Variants in EMILIN2 observed in about 807,000 individuals in gnomAD.
EMILIN2 encodes EMILIN-2.
EMILIN2 carries 71 observed loss-of-function variants against 87.1 expected under a neutral mutation model. The ratio of observed to expected loss-of-function variants is 0.82; its 90% confidence interval spans 0.67 to 0.99. EMILIN2 has a LOEUF of 0.99. Ranked by LOEUF, EMILIN2 falls within the 50% of genes least tolerant of loss-of-function variation. The pLI is 0.00. For missense variants in EMILIN2, 1,407 were observed against 1,371.8 expected (o/e 1.03, Z -0.40); for synonymous variants, 581 against 563.4 (o/e 1.03, Z -0.44).
chr18:2,875,358 CGGG>C (rs2076742173), intron 2 of EMILIN2, among the ~76,000 whole-genome samples: 1 of 152,100 alleles, frequency 6.6e-6, no homozygotes, highest in Non-Finnish European at 1.5e-5. Flanking sequence ...TGGGAACACT[CGGG>C]GAGCTGATGA....
At chr18:2,874,316 A>G (rs2076736834) in intron 2 of EMILIN2, among the ~76,000 whole-genome samples, 1 of 151,848 alleles carries the variant, frequency 6.6e-6, no homozygotes, top group South Asian at 2.1e-4. Context: ...TAGCCTCCTG[A>G]GTGGCTAGGA....
chr18:2,907,013 C>A lies in EMILIN2; in HGVS notation c.2590C>A (p.Leu864Met). ...PAGAGVSGRGLPRGVDGQTGS... is the reference protein window; with the variant it reads ...PAGAGVSGRGMPRGVDGQTGS... ...AGGCGCAGGCGTGTCTGGGCGGGGT[C>A]TGCCGCGGGGCGTGGACGGCCAGAC... is the stretch of plus-strand genomic sequence containing the variant. Residue 864 changes from leucine to methionine, a missense_variant, in exon 5 of 8, where the codon CTG becomes ATG. Leu to Met is a conservative substitution (Grantham distance 15, BLOSUM62 2). Coordinates refer to ENST00000254528, the MANE Select transcript of EMILIN2 (RefSeq NM_032048.3). The A allele has an allele frequency of 3.0e-6, 4 of 1,338,604 alleles. No individual in the cohort carries two copies. Among genetic ancestry groups the A allele is most frequent in the Non-Finnish European group, 3.8e-6 (4 of 1,047,220 alleles). The allele number at this position is 1,338,604 out of a possible 1,614,324, so 82.9% of individuals were successfully genotyped here. A position where few individuals can be genotyped will look rare whatever the true frequency, so the allele number is the denominator to read the frequency against.
chr18:2,873,046 A>G (rs1598491228), intron 2 of EMILIN2, among the ~76,000 whole-genome samples: 2 of 139,918 alleles, frequency 1.4e-5, no homozygotes, highest in East Asian at 3.9e-4. Context: ...AGATTATGTG[A>G]TTTAAAAAAA....
Position 2,890,302 on chromosome 18 carries a change from G to A in EMILIN2, c.434-259G>A, listed in dbSNP as rs1318136580. Among the ~76,000 whole-genome samples, 1 of 152,172 alleles carries A rather than the reference G, an allele frequency of 6.6e-6. No individual in the cohort carries two copies. Among genetic ancestry groups the A allele is most frequent in the Non-Finnish European group, 1.5e-5 (1 of 68,036 alleles). On this transcript the variant is annotated intron_variant, in intron 3 of 7. Coordinates refer to ENST00000254528, the MANE Select transcript of EMILIN2 (RefSeq NM_032048.3). This position sits in a 1 kb window ranked among gnomAD's most constrained non-coding sequence, Gnocchi z 4.7. ...CTAGAAGCTGTTCTTCTTTATAGAT[G>A]AGAGGATTATAGTTCACAGAAGTTA...
At chr18:2,865,469 G>A (rs2076681796) in intron 2 of EMILIN2, among the ~76,000 whole-genome samples, 1 of 152,184 alleles carries the variant, frequency 6.6e-6, no homozygotes, top group African/African-American at 2.4e-5. Flanking sequence ...GTTTGCTGGA[G>A]GTCCACTCCA....
At chr18:2,872,353 T>C (rs2076723937) in intron 2 of EMILIN2, among the ~76,000 whole-genome samples, 1 of 152,238 alleles carries the variant, frequency 6.6e-6, no homozygotes, top group African/African-American at 2.4e-5. Flanking sequence ...ATTTTTTAAA[T>C]GGAATTGTGA....
chr18:2,847,811 A>ACAC lies in EMILIN2; in HGVS notation c.138_139insACC (p.Asn46_Trp47insThr). On this transcript the variant is annotated inframe_insertion, in exon 2 of 8. Coordinates refer to ENST00000254528, the MANE Select transcript of EMILIN2 (RefSeq NM_032048.3). The surrounding 1 kb of genome is among the most constrained non-coding windows in gnomAD (Gnocchi z 4.5). ...TCCCTCTCTCTCCTGCACCCCAGGA[A>ACAC]CTGGTGCGCCTACATCGTGAACAAG... 1.2e-6 allele frequency: 2 copies of ACAC among 1,613,062 alleles called. No individual in the cohort carries two copies. Among genetic ancestry groups the ACAC allele is most frequent in the Non-Finnish European group, 1.7e-6 (2 of 1,179,742 alleles).
rs1263920993 is a variant in EMILIN2 at position 2,848,322 on chromosome 18, G to C, written c.257+391G>C. Among the ~76,000 whole-genome samples the C allele has an allele frequency of 6.6e-6, 1 of 152,192 alleles. No homozygotes were observed. Among genetic ancestry groups the C allele is most frequent in the East Asian group, 1.9e-4 (1 of 5,198 alleles). On this transcript the variant is annotated intron_variant, in intron 2 of 7. Coordinates refer to ENST00000254528, the MANE Select transcript of EMILIN2 (RefSeq NM_032048.3). The surrounding 1 kb of genome is among the most constrained non-coding windows in gnomAD (Gnocchi z 4.1). ...AGATTCCAAAATGTATACTGCTAAA[G>C]ACTATTCCGTATAGGATTCGCTGAG...
At chr18:2,859,266 G>A (rs536331226) in intron 2 of EMILIN2, among the ~76,000 whole-genome samples, 2 of 152,146 alleles carry the variant, frequency 1.3e-5, no homozygotes, top group East Asian at 1.9e-4. Context: ...CCATTCTTGC[G>A]GGAGTAAGGT....
chr18:2,847,082 C>T lies in EMILIN2; in HGVS notation c.-107C>T, dbSNP rs2076577953. ...TTGGAGCGCCGCGAAGCGCCCGAGC[C>T]TCTTGCCTTCGCGGGCGGCGCCCTG... On this transcript the variant is annotated 5_prime_UTR_variant, in exon 1 of 8. Coordinates refer to ENST00000254528, the MANE Select transcript of EMILIN2 (RefSeq NM_032048.3). The surrounding 1 kb of genome is among the most constrained non-coding windows in gnomAD (Gnocchi z 4.5). 2.8e-6 allele frequency: 3 copies of T among 1,078,942 alleles called. No individual in the cohort carries two copies. Among genetic ancestry groups the T allele is most frequent in the Non-Finnish European group, 3.4e-6 (3 of 882,728 alleles). 66.8% of individuals were successfully genotyped at this position (1,078,942 alleles called of 1,614,324 possible).
intron 6 of EMILIN2, 147 bp downstream of exon 6, chr18:2,909,122 G>C: frequency 9.8e-7 from 1 of 1,022,484 alleles, no homozygotes; most frequent in South Asian, 1.3e-5. Context: ...CACTGGGACA[G>C]CCCTCTGCTG....
intron 4 of EMILIN2, among the ~76,000 whole-genome samples, chr18:2,895,614 T>C (rs1242612301): frequency 6.6e-6 from 1 of 152,216 alleles, no homozygotes; most frequent in Non-Finnish European, 1.5e-5. Context: ...CTCAGTCATA[T>C]GTCTGGTGCC....
chr18:2,899,182 T>C (rs2076877083), intron 4 of EMILIN2, among the ~76,000 whole-genome samples: 1 of 151,814 alleles, frequency 6.6e-6, no homozygotes, highest in Non-Finnish European at 1.5e-5. Flanking sequence ...AATTTATAAC[T>C]AAAAAAAACC....
At chr18:2,860,572 C>A (rs978694550) in intron 2 of EMILIN2, among the ~76,000 whole-genome samples, 7 of 152,088 alleles carry the variant, frequency 4.6e-5, no homozygotes, top group Admixed American at 2.0e-4. Context: ...TGAACTCATC[C>A]TTTTTTATGG....
chr18:2,848,976 C>G lies in EMILIN2; in HGVS notation c.257+1045C>G, dbSNP rs1408504451. Among the ~76,000 whole-genome samples the G allele has an allele frequency of 2.0e-5, 3 of 152,162 alleles. No homozygotes were observed. Among genetic ancestry groups the G allele is most frequent in the African/African-American group, 7.2e-5 (3 of 41,424 alleles). On this transcript the variant is annotated intron_variant, in intron 2 of 7. Coordinates refer to ENST00000254528, the MANE Select transcript of EMILIN2 (RefSeq NM_032048.3). The surrounding 1 kb of genome is among the most constrained non-coding windows in gnomAD (Gnocchi z 4.1). ...CACCCCACGTGGGCTTCTGGAGGAG[C>G]TGCCAACAGGGTTCAGCTAATTCCT...
Position 2,849,006 on chromosome 18 carries a change from G to A in EMILIN2, c.257+1075G>A, listed in dbSNP as rs112720867. Among the ~76,000 whole-genome samples the A allele has an allele frequency of 3.5e-3, 526 of 152,246 alleles. 1 individual carries two copies. Among genetic ancestry groups the A allele is most frequent in the African/African-American group, 0.012 (497 of 41,550 alleles). On this transcript the variant is annotated intron_variant, in intron 2 of 7. Coordinates refer to ENST00000254528, the MANE Select transcript of EMILIN2 (RefSeq NM_032048.3). ...AACAGGGTTCAGCTAATTCCTGCTC[G>A]GCAAAAACAAAGTAAAACAAACAGA...
chr18:2,869,786 T>TGTTTGTGTG (rs1568461094), intron 2 of EMILIN2, among the ~76,000 whole-genome samples: 5 of 59,062 alleles, frequency 8.5e-5, no homozygotes, highest in African/African-American at 2.4e-4. Context: ...GTGTGTGTGT[T>TGTTTGTGTG]TGTGTGTGTG....
In EMILIN2 at chr18:2,847,223, CCTGGCGCTGGGCG is replaced by C. The variant is rs542406908; in HGVS notation, c.45_57del (p.Trp15CysfsTer34). On this transcript the variant is annotated frameshift_variant, in exon 1 of 8. Coordinates refer to ENST00000254528, the MANE Select transcript of EMILIN2 (RefSeq NM_032048.3). LOFTEE classifies it high-confidence loss of function. This position sits in a 1 kb window ranked among gnomAD's most constrained non-coding sequence, Gnocchi z 4.5. ...CCCAGACGGCCCTGGCCCCGCGTGC[CCTGGCGCTGGGCG>C]CTGGCGCTGCTGGCCCTGGTTGGCG... The C allele has an allele frequency of 7.2e-6, 9 of 1,253,788 alleles. No homozygotes were observed. Among genetic ancestry groups the C allele is most frequent in the East Asian group, 6.8e-5 (2 of 29,546 alleles). The allele number at this position is 1,253,788 out of a possible 1,614,324, so 77.7% of individuals were successfully genotyped here.
intron 2 of EMILIN2, among the ~76,000 whole-genome samples, chr18:2,875,809 G>C (rs958955608): frequency 1.3e-5 from 2 of 152,152 alleles, no homozygotes; most frequent in Admixed American, 1.3e-4. Context: ...AGCCAAGTTG[G>C]GACCAAGCCT....
Sources: gnomAD v4.1 joint callset for allele counts (sites outside exome capture counted in the v4.1 genomes callset) on GRCh38, gnomAD v4.1.1 for gene constraint, Gnocchi (gnomAD v3.1) non-coding constraint, MANE v1.5 for transcripts, NCBI Gene and HGNC (gene_info 2026-07-23, HGNC 2026-07-21) for gene names.